CBFA2T3: variants seen among roughly 807,000 people sequenced by gnomAD.
CBFA2T3 encodes the protein CBFA2/RUNX1 partner transcriptional co-repressor 3, also known as transcriptional corepressor CBFA2T3.
In CBFA2T3, 31 loss-of-function variants were observed where a neutral mutation model predicts 58.6. That is an observed-to-expected ratio of 0.53 (90% CI 0.40 to 0.71). The LOEUF is 0.71. CBFA2T3 is among the 30% of genes least tolerant of loss of function. CBFA2T3 has a pLI of 0.00. For synonymous variants in CBFA2T3, 531 were observed against 421.9 expected, an observed-to-expected ratio of 1.26 and a Z score of -3.17; for missense variants, 1,076 against 963.1, an observed-to-expected ratio of 1.12 and a Z score of -1.55.
At position 88,875,920 on chromosome 16, in the gene CBFA2T3, C is replaced by T. The variant is rs1354269435; in HGVS notation, c.*1056G>A. 2.1e-5 allele frequency: 5 copies of T among 233,076 alleles called. No individual in the cohort carries two copies. Among genetic ancestry groups the T allele is most frequent in the South Asian group, 3.6e-4 (2 of 5,526 alleles). 14.4% of individuals were successfully genotyped at this position (233,076 alleles called of 1,614,324 possible). On this transcript the variant is annotated 3_prime_UTR_variant, in exon 12 of 12. Transcript: ENST00000268679. ...AGACGCAGGCCGGAGCAACGGCACA[C>T]GGACCACGCACACGCGGCGGACGCA...
chr16:88,923,299 G>C (rs925439075), intron 1 of CBFA2T3, among the ~76,000 whole-genome samples: 1 of 152,196 alleles, frequency 6.6e-6, no homozygotes, highest in South Asian at 2.1e-4. Context: ...GCACAGAGGA[G>C]GTGAGGATTC....
chr16:88,875,246 T>A lies in CBFA2T3; in HGVS notation c.*1730A>T, dbSNP rs1968787429. 4.3e-6 allele frequency: 1 copy of A among 233,558 alleles called. No individual in the cohort carries two copies. The highest frequency in any genetic ancestry group is 5.6e-5 in the Admixed American group (1 of 17,798). 14.5% of individuals were successfully genotyped at this position (233,558 alleles called of 1,614,324 possible). A position where few individuals can be genotyped will look rare whatever the true frequency, so the allele number is the denominator to read the frequency against. On this transcript the variant is annotated 3_prime_UTR_variant, in exon 12 of 12. Transcript: ENST00000268679. ...ATGCCAGGCTGCGGGCCGTGCCTGC[T>A]GTCTGTCCTTGTACTCGGTGCAAGC...
intron 1 of CBFA2T3, among the ~76,000 whole-genome samples, chr16:88,932,928 C>T (rs1971364094): frequency 1.3e-5 from 2 of 151,962 alleles, no homozygotes; most frequent in East Asian, 1.9e-4. Flanking sequence ...GAGATTGCGC[C>T]ACTGCACTCC....
At chr16:88,883,140 C>A in intron 7 of CBFA2T3, 1 of 319,800 alleles carries the variant, frequency 3.1e-6, no homozygotes, top group Non-Finnish European at 6.1e-6. Flanking sequence ...GTGTCCTCAG[C>A]CACTGGCCGG....
chr16:88,968,681 G>A (rs1375412668), intron 1 of CBFA2T3, among the ~76,000 whole-genome samples: 1 of 152,204 alleles, frequency 6.6e-6, no homozygotes, highest in Non-Finnish European at 1.5e-5. Flanking sequence ...TGGGGCTGGG[G>A]GTGTCAGGAC....
intron 1 of CBFA2T3, among the ~76,000 whole-genome samples, chr16:88,905,775 G>A (rs1970302257): frequency 6.7e-6 from 1 of 149,286 alleles, no homozygotes; most frequent in Admixed American, 6.7e-5. Flanking sequence ...TGGGGATGAG[G>A]GGGCGGGGCT....
rs1006125447 is a variant in CBFA2T3 at position 88,914,595 on chromosome 16, G to A, written c.152-12939C>T. On this transcript the variant is annotated intron_variant, in intron 1 of 11. Coordinates refer to ENST00000268679, the MANE Select transcript of CBFA2T3 (RefSeq NM_005187.6). Reference sequence around the variant, plus strand: ...CACAGTCTTGCCATGTTTTTAAAGCGACCAGGGTGAGTCTGGGCCTGTCCT... The same window carrying A: ...CACAGTCTTGCCATGTTTTTAAAGCAACCAGGGTGAGTCTGGGCCTGTCCT... Among the ~76,000 whole-genome samples, 8 of 152,320 alleles carry A rather than the reference G, an allele frequency of 5.3e-5. No homozygotes were observed. The East Asian group carries it at 1.2e-3, about 22-fold the overall frequency.
chr16:88,885,146 C>T lies in CBFA2T3; in HGVS notation c.1017G>A (p.Pro339=), dbSNP rs377182425. The change falls in exon 7 of 12, where the codon CCG becomes CCA. Residue 339 remains proline (P), a synonymous_variant. Transcript: ENST00000268679. This position sits in a 1 kb window ranked among gnomAD's most constrained non-coding sequence, Gnocchi z 5.3. ...PSNGPPQPTP[P]PHYRLEDIAM... Reference sequence around the variant, plus strand: ...CTATGTCCTCCAGGCGGTAGTGCGGCGGCGGTGTGGGCTGCGGTGGCCCGT... The same window carrying T: ...CTATGTCCTCCAGGCGGTAGTGCGGTGGCGGTGTGGGCTGCGGTGGCCCGT... 171 of 1,600,550 alleles carry T rather than the reference C, an allele frequency of 1.1e-4. No homozygotes were observed. In the East Asian group the frequency reaches 2.4e-3, roughly 22 times the overall value.
intron 1 of CBFA2T3, among the ~76,000 whole-genome samples, chr16:88,971,052 G>C (rs1278277079): frequency 6.6e-6 from 1 of 152,126 alleles, no homozygotes; most frequent in Non-Finnish European, 1.5e-5. Flanking sequence ...GTCGGGCCGG[G>C]AGGGCTGGGC....
chr16:88,922,613 G>A lies in CBFA2T3; in HGVS notation c.152-20957C>T, dbSNP rs565363965. On this transcript the variant is annotated intron_variant, in intron 1 of 11. Coordinates refer to ENST00000268679, the MANE Select transcript of CBFA2T3 (RefSeq NM_005187.6). ...CCAGGGCTATGCTTGAGGCCTTCCC[G>A]AGGGCGGGGTCAAGAATGCACCAAT... is the stretch of plus-strand genomic sequence containing the variant. Among the ~76,000 whole-genome samples, 9 of 152,330 alleles carry A rather than the reference G, an allele frequency of 5.9e-5. No homozygotes were observed. In the South Asian group the frequency reaches 1.5e-3, roughly 25 times the overall value.
intron 1 of CBFA2T3, among the ~76,000 whole-genome samples, chr16:88,942,956 G>A (rs1222539060): frequency 6.6e-6 from 1 of 152,210 alleles, no homozygotes; most frequent in Non-Finnish European, 1.5e-5. Flanking sequence ...CCCATGCGGT[G>A]GGTGTGTTGC....
At chr16:88,903,477 G>C (rs884968) in intron 1 of CBFA2T3, among the ~76,000 whole-genome samples, 7,418 of 152,156 alleles carry the variant, frequency 0.049, 275 homozygotes, top group African/African-American at 0.1. Flanking sequence ...GACCTCCCTC[G>C]CACAGGGCGC....
At chr16:88,923,831 A>AC (rs1233958069) in intron 1 of CBFA2T3, among the ~76,000 whole-genome samples, 1 of 151,876 alleles carries the variant, frequency 6.6e-6, no homozygotes, top group Admixed American at 6.6e-5. Context: ...TGCCGAACCC[A>AC]CCCCCGAGGA....
At chr16:88,934,191 C>A (rs1025546593) in intron 1 of CBFA2T3, among the ~76,000 whole-genome samples, 5 of 151,668 alleles carry the variant, frequency 3.3e-5, no homozygotes, top group Middle Eastern at 3.4e-3. Flanking sequence ...CTGCCCCACG[C>A]CCCTCGGCAC....
chr16:88,946,075 A>G (rs542699112), intron 1 of CBFA2T3, among the ~76,000 whole-genome samples: 1 of 152,254 alleles, frequency 6.6e-6, no homozygotes, highest in Admixed American at 6.5e-5. Context: ...TGGGAGGCCG[A>G]AGGGGGCGGA....
Position 88,882,692 on chromosome 16 carries a change from C to T in CBFA2T3, c.1187G>A (p.Trp396Ter). Residue 396 changes from tryptophan (W) to a stop codon, truncating the protein, a stop_gained, in exon 8 of 12, where the codon TGG (tryptophan) becomes TAG (stop). Coordinates refer to ENST00000268679, the MANE Select transcript of CBFA2T3 (RefSeq NM_005187.6). LOFTEE classifies it high-confidence loss of function. ...GACACTCACGTTGTTGAGGTGCTTCCACTCTTCTGCCCACTCACGCTCTGT... is the reference window on the plus strand; with the variant it reads ...GACACTCACGTTGTTGAGGTGCTTCTACTCTTCTGCCCACTCACGCTCTGT... Reference protein sequence around the residue: ...KLTEREWAEEWKHLNNLLNCI... With the variant: ...KLTEREWAEE The T allele has an allele frequency of 6.3e-7, 1 of 1,586,750 alleles. No individual in the cohort carries two copies. Among genetic ancestry groups the T allele is most frequent in the Non-Finnish European group, 8.6e-7 (1 of 1,166,474 alleles).
At chr16:88,886,913 T>G (rs761922358) in intron 5 of CBFA2T3, 1 of 152,272 alleles carries the variant, frequency 6.6e-6, no homozygotes, top group African/African-American at 2.4e-5. Context: ...TTGACGCCTG[T>G]GTGTACCCGC....
Position 88,886,030 on chromosome 16 carries a change from G to A in CBFA2T3, c.824C>T (p.Ser275Phe), listed in dbSNP as rs1969356058. Residue 275 changes from serine (S) to phenylalanine (F), a missense_variant, in exon 6 of 12, where the codon TCC becomes TTC. By Grantham distance (155) the Ser-to-Phe change is radical. Coordinates refer to ENST00000268679, the MANE Select transcript of CBFA2T3 (RefSeq NM_005187.6). ...HEQLLLDASA[S>F]SPIDSSELLL... ...CAGCTCTGAGGAGTCGATGGGGGAG[G>A]AGGCGCTGGCGTCCAGCAGGAGCTG... 2 of 1,571,120 alleles carry A rather than the reference G, an allele frequency of 1.3e-6. No homozygotes were observed. The highest frequency in any genetic ancestry group is 1.3e-5 in the African/African-American group (1 of 74,546).
At chr16:88,913,370 C>T (rs573572431) in intron 1 of CBFA2T3, among the ~76,000 whole-genome samples, 2 of 152,374 alleles carry the variant, frequency 1.3e-5, no homozygotes, top group Non-Finnish European at 2.9e-5. Context: ...AACTGCCAAC[C>T]TAAAGAACTG....
Sources: allele counts gnomAD v4.1 joint callset (sites outside exome capture counted in the v4.1 genomes callset), GRCh38; gene constraint gnomAD v4.1.1; non-coding constraint Gnocchi (gnomAD v3.1); transcripts MANE v1.5; gene names NCBI Gene and HGNC (gene_info 2026-07-23, HGNC 2026-07-21).